Variants in FHIT observed in about 807,000 individuals in gnomAD.
FHIT encodes fragile histidine triad diadenosine triphosphatase.
FHIT carries 19 observed loss-of-function variants against 17.9 expected under a neutral mutation model. That is an observed-to-expected ratio of 1.06 (90% CI 0.74 to 1.56). The LOEUF (loss-of-function observed/expected upper bound fraction) is 1.56, where lower values mean the gene tolerates loss of function less well. Ranked by LOEUF, FHIT falls within the 40% of genes most tolerant of loss-of-function variation. The pLI, the probability that FHIT is intolerant of heterozygous loss-of-function variation, is 0.00. For missense variants in FHIT, 248 were observed against 189.2 expected (o/e 1.31, Z -1.82); for synonymous variants, 81 against 69.7 (o/e 1.16, Z -0.81).
chr3:59,881,947 T>C (rs1027194580), intron 8 of FHIT, among the ~76,000 whole-genome samples: 1 of 152,198 alleles, frequency 6.6e-6, no homozygotes, highest in African/African-American at 2.4e-5. Flanking sequence ...AATAGCAATA[T>C]GGGACAGGAG....
intron 1 of FHIT, among the ~76,000 whole-genome samples, chr3:61,232,406 G>A (rs1467756798): frequency 1.3e-5 from 2 of 151,962 alleles, no homozygotes; most frequent in Admixed American, 6.6e-5. Flanking sequence ...AAGAAAAAAC[G>A]TATTCCATAA....
At chr3:60,368,658 A>G (rs1471553812) in intron 5 of FHIT, among the ~76,000 whole-genome samples, 1 of 151,916 alleles carries the variant, frequency 6.6e-6, no homozygotes, top group Non-Finnish European at 1.5e-5. Flanking sequence ...TGATAATCAG[A>G]AGGTTTTTAT....
intron 2 of FHIT, among the ~76,000 whole-genome samples, chr3:61,087,988 C>G (rs911213371): frequency 6.6e-6 from 1 of 152,140 alleles, no homozygotes; most frequent in Non-Finnish European, 1.5e-5. Context: ...ATCTTAGAGA[C>G]CTCCCTCTAG....
chr3:60,270,808 C>T (rs1427066450), intron 5 of FHIT, among the ~76,000 whole-genome samples: 3 of 152,126 alleles, frequency 2.0e-5, no homozygotes, highest in Non-Finnish European at 4.4e-5. Flanking sequence ...CTACAAAGAA[C>T]CATGGGGAGG....
chr3:61,017,084 C>T (rs941404283), intron 3 of FHIT, among the ~76,000 whole-genome samples: 1 of 152,150 alleles, frequency 6.6e-6, no homozygotes, highest in Non-Finnish European at 1.5e-5. Flanking sequence ...GTCAGGAGTT[C>T]AAGACCAGCC....
chr3:60,993,070 T>C (rs1418846495), intron 3 of FHIT, among the ~76,000 whole-genome samples: 1 of 152,178 alleles, frequency 6.6e-6, no homozygotes, highest in Non-Finnish European at 1.5e-5. Context: ...TTTATGGCCA[T>C]ATCATCACAA....
chr3:60,311,341 T>C (rs989968526), intron 5 of FHIT, among the ~76,000 whole-genome samples: 1 of 151,990 alleles, frequency 6.6e-6, no homozygotes, highest in Non-Finnish European at 1.5e-5. Flanking sequence ...TAGATTCAGG[T>C]TGTATATTCT....
intron 3 of FHIT, among the ~76,000 whole-genome samples, chr3:60,917,682 T>C (rs1707078182): frequency 6.6e-6 from 1 of 152,224 alleles, no homozygotes; most frequent in Non-Finnish European, 1.5e-5. Flanking sequence ...TGTCCTCAAA[T>C]GTCACCTCAT....
At chr3:60,531,085 G>A (rs1205285182) in intron 5 of FHIT, among the ~76,000 whole-genome samples, 1 of 152,168 alleles carries the variant, frequency 6.6e-6, no homozygotes, top group African/African-American at 2.4e-5. Context: ...ACAATGGACA[G>A]CAATATTGTC....
intron 4 of FHIT, among the ~76,000 whole-genome samples, chr3:60,574,822 T>G (rs1553656981): frequency 6.6e-6 from 1 of 151,868 alleles, no homozygotes; most frequent in Non-Finnish European, 1.5e-5. Context: ...GTGCAGACGA[T>G]CCCAGCCTTC....
chr3:60,047,302 T>C (rs1400437712), intron 5 of FHIT, among the ~76,000 whole-genome samples: 1 of 152,228 alleles, frequency 6.6e-6, no homozygotes, highest in Non-Finnish European at 1.5e-5. Flanking sequence ...CACACAGTGC[T>C]ATAGAGGCGG....
At chr3:60,382,982 C>CA (rs1227132807) in intron 5 of FHIT, among the ~76,000 whole-genome samples, 4 of 152,194 alleles carry the variant, frequency 2.6e-5, no homozygotes, top group Non-Finnish European at 5.9e-5. Flanking sequence ...TTCAGCAGCA[C>CA]ACAAGCATCT....
At chr3:60,551,954 C>T (rs547923611) in intron 4 of FHIT, among the ~76,000 whole-genome samples, 1 of 152,014 alleles carries the variant, frequency 6.6e-6, no homozygotes, top group African/African-American at 2.4e-5. Flanking sequence ...TTTTTACCCC[C>T]AAAAGAGAAA....
chr3:60,118,650 T>C (rs1490389875), intron 5 of FHIT, among the ~76,000 whole-genome samples: 4 of 151,878 alleles, frequency 2.6e-5, no homozygotes, highest in Admixed American at 2.6e-4. Flanking sequence ...CGAATGCTAA[T>C]ATTAGAAAGT....
At chr3:60,986,985 T>C (rs1383750925) in intron 3 of FHIT, among the ~76,000 whole-genome samples, 1 of 152,220 alleles carries the variant, frequency 6.6e-6, no homozygotes, top group Non-Finnish European at 1.5e-5. Context: ...ATGGGTCTTA[T>C]TCATCATCTT....
At chr3:60,438,666 C>T (rs1171712075) in intron 5 of FHIT, among the ~76,000 whole-genome samples, 1 of 152,118 alleles carries the variant, frequency 6.6e-6, no homozygotes, top group African/African-American at 2.4e-5. Flanking sequence ...CTTGACAGTT[C>T]AAATTTAAAG....
intron 5 of FHIT, among the ~76,000 whole-genome samples, chr3:60,359,275 A>ATTTTTT (rs1576533605): frequency 1.4e-5 from 2 of 138,576 alleles, no homozygotes; most frequent in African/African-American, 5.4e-5. Context: ...ATATGAAAAT[A>ATTTTTT]TCTTTTTTTT....
chr3:60,230,561 C>T (rs138350143), intron 5 of FHIT, among the ~76,000 whole-genome samples: 179 of 152,286 alleles, frequency 1.2e-3, no homozygotes, highest in African/African-American at 4.0e-3. Flanking sequence ...AAGCTCACTG[C>T]ATCTCAGTTT....
chr3:60,976,215 T>G (rs1409278618), intron 3 of FHIT, among the ~76,000 whole-genome samples: 6 of 150,050 alleles, frequency 4.0e-5, no homozygotes, highest in Non-Finnish European at 8.9e-5. Flanking sequence ...CAAGTGATTC[T>G]TTTGCCTCAG....
Sources: allele counts gnomAD v4.1 joint callset (sites outside exome capture counted in the v4.1 genomes callset), GRCh38; gene constraint gnomAD v4.1.1; transcripts MANE v1.5; gene names NCBI Gene and HGNC (gene_info 2026-07-23, HGNC 2026-07-21).